Variants in POLM observed in about 807,000 individuals in gnomAD.
POLM encodes the protein DNA polymerase mu, also known as DNA-directed DNA/RNA polymerase mu.
A neutral mutation model predicts 56.7 loss-of-function variants in POLM; 52 were observed. That is an observed-to-expected ratio of 0.92 (90% confidence interval 0.73 to 1.15). The LOEUF (loss-of-function observed/expected upper bound fraction) is 1.15. Among genes scored for constraint, POLM ranks in the 50% most tolerant of loss-of-function variants. The probability of loss-of-function intolerance (pLI) is 0.00; values close to 1 mark genes in which losing one functional copy is unlikely to be tolerated. For synonymous variants in POLM, 273 were observed against 274.3 expected (o/e 1.00, Z 0.05); for missense variants, 660 against 663.6 (o/e 0.99, Z 0.06).
At position 44,074,145 on chromosome 7, in the gene POLM, G is replaced by C. The variant is rs377711638; in HGVS notation, c.1057C>G (p.Arg353Gly). 6.2e-7 allele frequency: 1 copy of C among 1,604,596 alleles called. No homozygotes were observed. Among genetic ancestry groups the C allele is most frequent in the South Asian group, 1.1e-5 (1 of 90,190 alleles). ...GAGGCCCTCACCTGGTCCTGCAGGC[G>C]GCACATCACTCTAGGCAGCAGCCCC... is the stretch of plus-strand genomic sequence containing the variant. ...EAGLLPRVMC[R>G]LQDQGLILYH... is the part of the protein sequence containing the mutation. Residue 353 changes from arginine (R) to glycine (G), a missense_variant, in exon 8 of 11, where the codon CGC becomes GGC. Physicochemically the swap from Arg to Gly is moderately radical, Grantham distance 125. Transcript: ENST00000242248.
intron 1 of POLM, among the ~76,000 whole-genome samples, chr7:44,081,707 G>A (rs2096200354): frequency 6.6e-6 from 1 of 151,572 alleles, no homozygotes; most frequent in Non-Finnish European, 1.5e-5. Context: ...TCACAGGTGG[G>A]ACATAGCCCA....
intron 4 of POLM, 43 bp downstream of exon 4, chr7:44,079,528 T>TAC: frequency 4.5e-5 from 68 of 1,506,222 alleles, no homozygotes; most frequent in East Asian, 9.6e-5. Context: ...CCCCAAGGCC[T>TAC]CCCCACCCAC....
chr7:44,079,662 G>A lies in POLM; in HGVS notation c.551C>T (p.Ser184Leu), dbSNP rs145419583. The A allele has an allele frequency of 6.7e-4, 1,077 of 1,613,510 alleles. 2 individuals carry two copies. Among genetic ancestry groups the A allele is most frequent in the Non-Finnish European group, 8.5e-4 (1,005 of 1,179,848 alleles). ...AGGGCTGGGAAGGGCCTTGAGCACC[G>A]AGGCTGCTCTGCAGAAGGTGAGGAG... ...GRLLTFCRAA[S>L]VLKALPSPVT... The change falls in exon 4 of 11, where the codon TCG becomes TTG. Residue 184 changes from serine (S) to leucine (L), a missense_variant. By Grantham distance (145) the Ser-to-Leu change is moderately radical. Coordinates refer to ENST00000242248, the MANE Select transcript of POLM (RefSeq NM_013284.4).
Position 44,078,642 on chromosome 7 carries a change from C to G in POLM, c.714+98G>C, listed in dbSNP as rs1252055640. On this transcript the variant is annotated intron_variant, in intron 5 of 10. Coordinates refer to ENST00000242248, the MANE Select transcript of POLM (RefSeq NM_013284.4). ...ACCTTCTCTGACCCCTGGGCTGGGTCAGCTGCCCCTGTTTGCCTCCCCGTG... is the reference window on the plus strand; with the variant it reads ...ACCTTCTCTGACCCCTGGGCTGGGTGAGCTGCCCCTGTTTGCCTCCCCGTG... 3.6e-6 allele frequency: 4 copies of G among 1,106,020 alleles called. No homozygotes were observed. The Admixed American group carries it at 5.3e-5, about 15-fold the overall frequency. 68.5% of individuals were successfully genotyped at this position (1,106,020 alleles called of 1,614,324 possible). A position where few individuals can be genotyped will look rare whatever the true frequency, so the allele number is the denominator to read the frequency against.
intron 6 of POLM, 98 bp from the exon 7 acceptor site, chr7:44,074,628 A>C (rs2096178907): frequency 7.2e-7 from 1 of 1,381,944 alleles, no homozygotes; most frequent in South Asian, 1.5e-5. Context: ...GGGCCCCGTC[A>C]TTGCAGGACC....
chr7:44,074,624 C>A lies in POLM; in HGVS notation c.836-94G>T, dbSNP rs373310206. On this transcript the variant is annotated intron_variant, in intron 6 of 10. Transcript: ENST00000242248. ...GCATGAGGTGATCAACCTGGGGCCC[C>A]GTCATTGCAGGACCAGGAGAGGCCT... is the stretch of plus-strand genomic sequence containing the variant. The A allele has an allele frequency of 5.0e-6, 7 of 1,404,270 alleles. No homozygotes were observed. In the East Asian group the frequency reaches 1.8e-4, roughly 36 times the overall value. 87.0% of individuals were successfully genotyped at this position (1,404,270 alleles called of 1,614,324 possible). A position where few individuals can be genotyped will look rare whatever the true frequency, so the allele number is the denominator to read the frequency against.
intron 1 of POLM, 44 bp downstream of exon 1, chr7:44,082,207 C>G: frequency 1.4e-6 from 2 of 1,402,534 alleles, no homozygotes; most frequent in East Asian, 3.0e-5. Flanking sequence ...AATCCAAAAC[C>G]AGAAGTGCCA....
At position 44,073,982 on chromosome 7, in the gene POLM, G is replaced by A; in HGVS notation, c.1115C>T (p.Ser372Phe). ...YHQHQHSCCESPTRLAQQSHM... is the reference protein window; with the variant it reads ...YHQHQHSCCEFPTRLAQQSHM... ...GCTCTGTTGGGCCAGGCGGGTAGGG[G>A]ACTCACAGCAGCTGTGCTGGTGCTG... The change falls in exon 9 of 11, where the codon TCC becomes TTC. Residue 372 changes from serine (S) to phenylalanine (F), a missense_variant. Ser to Phe is a radical substitution (Grantham distance 155). Transcript: ENST00000242248. 1 of 1,614,198 alleles carries A rather than the reference G, an allele frequency of 6.2e-7. No homozygotes were observed. The highest frequency in any genetic ancestry group is 8.5e-7 in the Non-Finnish European group (1 of 1,180,032).
Position 44,082,309 on chromosome 7 carries a change from G to T in POLM, c.130C>A (p.Arg44=), listed in dbSNP as rs1196960479. 1.3e-6 allele frequency: 2 copies of T among 1,557,324 alleles called. No individual in the cohort carries two copies. Among genetic ancestry groups the T allele is most frequent in the Non-Finnish European group, 1.7e-6 (2 of 1,158,762 alleles). Residue 44 remains arginine (R), a synonymous_variant, in exon 1 of 11, where the codon CGG becomes AGG. Coordinates refer to ENST00000242248, the MANE Select transcript of POLM (RefSeq NM_013284.4). ...CGCGCCAGGCCTGTGAGGAAGGCCCGGCGGCTGCGACCCATGCGAGGCTCG... is the reference window on the plus strand; with the variant it reads ...CGCGCCAGGCCTGTGAGGAAGGCCCTGCGGCTGCGACCCATGCGAGGCTCG... The part of the protein sequence containing the change: ...LVEPRMGRSR[R]AFLTGLARSK...
At chr7:44,081,015 G>A in intron 1 of POLM, 99 bp from the exon 2 acceptor site, 1 of 1,028,938 alleles carries the variant, frequency 9.7e-7, no homozygotes, top group Non-Finnish European at 1.4e-6. Context: ...TGCATGGTAA[G>A]TGACCATTCA....
intron 5 of POLM, 71 bp from the exon 6 acceptor site, chr7:44,076,700 G>A (rs2096184595): frequency 6.3e-7 from 1 of 1,587,342 alleles, no homozygotes; most frequent in Non-Finnish European, 8.6e-7. Flanking sequence ...CCCGCTCCGG[G>A]ACGGTGTGGC....
Position 44,082,389 on chromosome 7 carries a change from G to A in POLM, c.50C>T (p.Ala17Val). 6.6e-7 allele frequency: 1 copy of A among 1,523,892 alleles called. No individual in the cohort carries two copies. Among genetic ancestry groups the A allele is most frequent in the Non-Finnish European group, 8.7e-7 (1 of 1,144,380 alleles). 94.4% of individuals were successfully genotyped at this position (1,523,892 alleles called of 1,614,324 possible). A position where few individuals can be genotyped will look rare whatever the true frequency, so the allele number is the denominator to read the frequency against. ...CGTCGAGGGCGGCGTGGAGGAAGCG[G>A]CATCGCCGCTAGGGGACCCGACCCG... ...RARVGSPSGD[A>V]ASSTPPSTRF... Residue 17 changes from alanine (A) to valine (V), a missense_variant, in exon 1 of 11, where the codon GCC (alanine) becomes GTC (valine). Physicochemically the swap from Ala to Val is moderately conservative, Grantham distance 64 (BLOSUM62 0). Transcript: ENST00000242248.
chr7:44,080,712 T>C (rs753222722), intron 2 of POLM, 21 bp downstream of exon 2: 1 of 1,612,028 alleles, frequency 6.2e-7, no homozygotes, highest in East Asian at 2.2e-5. Flanking sequence ...AGCCCCCACT[T>C]TAGTCTTCCA....
Position 44,082,343 on chromosome 7 carries a change from G to A in POLM, c.96C>T (p.Ile32=), listed in dbSNP as rs1294588817. Residue 32 remains isoleucine, a synonymous_variant, in exon 1 of 11, where the codon ATC becomes ATT. Transcript: ENST00000242248. ...GACCCATGCGAGGCTCGACCAGGTA[G>A]ATGGCGACTCCCGGGAAGCGCGTCG... ...PPSTRFPGVA[I]YLVEPRMGRS... is the part of the protein sequence containing the mutation. 1.9e-6 allele frequency: 3 copies of A among 1,560,602 alleles called. No individual in the cohort carries two copies. Among genetic ancestry groups the A allele is most frequent in the Non-Finnish European group, 2.6e-6 (3 of 1,160,524 alleles).
At chr7:44,073,751 A>C (rs961229818) in intron 9 of POLM, 32 bp downstream of exon 9, 7 of 1,613,570 alleles carry the variant, frequency 4.3e-6, no homozygotes, top group Non-Finnish European at 5.9e-6. Flanking sequence ...GCCCAGCCCC[A>C]CCCCCAGGCG....
intron 1 of POLM, 90 bp from the exon 2 acceptor site, chr7:44,081,006 G>A: frequency 8.9e-7 from 1 of 1,119,584 alleles, no homozygotes; most frequent in Non-Finnish European, 1.3e-6. Context: ...CGTCCCTTCT[G>A]CATGGTAAGT....
At chr7:44,079,401 T>C (rs2096192970) in intron 4 of POLM, among the ~76,000 whole-genome samples, 170 bp downstream of exon 4, 1 of 152,144 alleles carries the variant, frequency 6.6e-6, no homozygotes, top group African/African-American at 2.4e-5. Context: ...AAATGGCTAG[T>C]GTGCACAGGA....
chr7:44,074,133 G>A lies in POLM; in HGVS notation c.1069C>T (p.Gln357Ter), dbSNP rs780457761. Reference protein sequence around the residue: ...LPRVMCRLQDQGLILYHQHQH... With the variant: ...LPRVMCRLQD The stretch of plus-strand genomic sequence containing the variant: ...TTGGGGAGCAGGGAGGCCCTCACCT[G>A]GTCCTGCAGGCGGCACATCACTCTA... Residue 357 changes from glutamine to a stop codon, truncating the protein, a stop_gained and splice_region_variant, in exon 8 of 11, where the codon CAG becomes TAG. Coordinates refer to ENST00000242248, the MANE Select transcript of POLM (RefSeq NM_013284.4). LOFTEE classifies it high-confidence loss of function. The A allele has an allele frequency of 6.2e-7, 1 of 1,604,644 alleles. No homozygotes were observed. The highest frequency in any genetic ancestry group is 1.3e-5 in the African/African-American group (1 of 74,988).
In POLM at chr7:44,073,890, C is replaced by A. The variant is rs374411984; in HGVS notation, c.1207G>T (p.Gly403Trp). ...RLPQPPGAAVGGSTRPCPSWK... is the reference protein window; with the variant it reads ...RLPQPPGAAVWGSTRPCPSWK... ...GATGGGCAGGGCCTCGTGGATCCCC[C>A]CACAGCAGCCCCTGGAGGTTGTGGT... is the stretch of plus-strand genomic sequence containing the variant. The change falls in exon 9 of 11, where the codon GGG becomes TGG. Residue 403 changes from glycine to tryptophan, a missense_variant. Transcript: ENST00000242248. The A allele has an allele frequency of 2.5e-6, 4 of 1,614,122 alleles. No individual in the cohort carries two copies. The highest frequency in any genetic ancestry group is 2.5e-6 in the Non-Finnish European group (3 of 1,180,050).
Sources: gnomAD v4.1 joint callset for allele counts (sites outside exome capture counted in the v4.1 genomes callset) on GRCh38, gnomAD v4.1.1 for gene constraint, MANE v1.5 for transcripts, NCBI Gene and HGNC (gene_info 2026-07-23, HGNC 2026-07-21) for gene names.